LDAH: variants seen among roughly 807,000 people sequenced by gnomAD.
LDAH encodes the protein lipid droplet-associated hydrolase.
In LDAH, 26 loss-of-function variants were observed where a neutral mutation model predicts 29.6. The observed-to-expected ratio is 0.88, with a 90% confidence interval of 0.64 to 1.22. LDAH has a LOEUF of 1.22. Ranked by LOEUF, LDAH falls within the 50% of genes most tolerant of loss-of-function variation. The pLI, the probability that LDAH is intolerant of heterozygous loss-of-function variation, is 0.00. For missense variants in LDAH, 344 were observed against 387.3 expected (o/e 0.89, Z 0.94); for synonymous variants, 117 against 133.0 (o/e 0.88, Z 0.83).
At chr2:20,822,673 G>A (rs982396002) in intron 1 of LDAH, among the ~76,000 whole-genome samples, 1 of 152,184 alleles carries the variant, frequency 6.6e-6, no homozygotes, top group African/African-American at 2.4e-5. Context: ...AACACTCCCG[G>A]CCCAGAGTTT....
intron 4 of LDAH, among the ~76,000 whole-genome samples, chr2:20,750,113 C>T (rs1175600227): frequency 6.6e-6 from 1 of 151,450 alleles, no homozygotes; most frequent in East Asian, 1.9e-4. Context: ...GCAACCACCA[C>T]CTCCTGGGTT....
At chr2:20,690,181 T>A (rs908963542) in intron 6 of LDAH, among the ~76,000 whole-genome samples, 4 of 151,980 alleles carry the variant, frequency 2.6e-5, no homozygotes, top group African/African-American at 9.7e-5. Flanking sequence ...GCAGGGGTGA[T>A]CAACATGGAT....
chr2:20,790,155 G>T, intron 3 of LDAH, 100 bp downstream of exon 3: 1 of 1,256,998 alleles, frequency 8.0e-7, no homozygotes, highest in South Asian at 1.5e-5. Context: ...AATGCCACAA[G>T]CAGAGGTTTC....
intron 5 of LDAH, among the ~76,000 whole-genome samples, chr2:20,702,861 C>T (rs1000327741): frequency 5.9e-5 from 9 of 152,182 alleles, no homozygotes; most frequent in East Asian, 1.9e-4. Flanking sequence ...GATGGAGTTT[C>T]GCTCTTTGTT....
At chr2:20,800,972 C>A (rs1671617844) in intron 2 of LDAH, among the ~76,000 whole-genome samples, 1 of 151,994 alleles carries the variant, frequency 6.6e-6, no homozygotes, top group Non-Finnish European at 1.5e-5. Flanking sequence ...TGAAATGAGG[C>A]AGAAAAAGTT....
chr2:20,721,486 A>C (rs184935776), intron 5 of LDAH, among the ~76,000 whole-genome samples: 1 of 152,110 alleles, frequency 6.6e-6, no homozygotes. Context: ...ATCACCACTA[A>C]AGAACTTACT....
At chr2:20,716,720 G>GTATATATATATATATATATGTATATATA (rs1362301507) in intron 5 of LDAH, among the ~76,000 whole-genome samples, 1 of 131,294 alleles carries the variant, frequency 7.6e-6, no homozygotes, top group Non-Finnish European at 1.7e-5. Context: ...AGAACTTTAA[G>GTATATATATATATATATATGTATATATA]TATATATACA....
chr2:20,763,869 T>C (rs1008070139), intron 4 of LDAH, among the ~76,000 whole-genome samples: 27 of 152,244 alleles, frequency 1.8e-4, no homozygotes, highest in African/African-American at 6.0e-4. Flanking sequence ...GCATGAAGAA[T>C]GTTCTATTAT....
intron 6 of LDAH, among the ~76,000 whole-genome samples, chr2:20,694,856 T>C (rs1572409970): frequency 6.6e-6 from 1 of 152,186 alleles, no homozygotes; most frequent in East Asian, 1.9e-4. Flanking sequence ...CAGGATCCTC[T>C]CCCTCCCACA....
In LDAH at chr2:20,801,458, G is replaced by C; in HGVS notation, c.6C>G (p.Asp2Glu). Residue 2 changes from aspartate to glutamate, a missense_variant, in exon 2 of 7, where the codon GAC (aspartate) becomes GAG (glutamate). Transcript: ENST00000237822. ...CAGGAATTTCTTCCTTGAGTTCTGA[G>C]TCCATTTCTAAATAAGGGGAGAAAA... M[D>E]SELKEEIPVH... 1.9e-6 allele frequency: 3 copies of C among 1,613,682 alleles called. No homozygotes were observed. Among genetic ancestry groups the C allele is most frequent in the Non-Finnish European group, 2.5e-6 (3 of 1,179,740 alleles).
chr2:20,741,966 T>G (rs551414569), intron 4 of LDAH, among the ~76,000 whole-genome samples: 1 of 152,340 alleles, frequency 6.6e-6, no homozygotes, highest in Non-Finnish European at 1.5e-5. Flanking sequence ...TTTTATTTTA[T>G]GGCACGATCC....
chr2:20,685,426 A>T lies in LDAH; in HGVS notation c.*1477T>A, dbSNP rs1662488955. The T allele has an allele frequency of 4.6e-6, 6 of 1,299,394 alleles. No homozygotes were observed. The East Asian group carries it at 1.5e-4, about 33-fold the overall frequency. The allele number at this position is 1,299,394 out of a possible 1,614,324, so 80.5% of individuals were successfully genotyped here. A position where few individuals can be genotyped will look rare whatever the true frequency, so the allele number is the denominator to read the frequency against. ...CCCTGTGCTTACGGCCTATGTATCT[A>T]TTAGCTCTTCCCCTTGGGCTAACAG... is the stretch of plus-strand genomic sequence containing the variant. On this transcript the variant is annotated 3_prime_UTR_variant, in exon 7 of 7. Coordinates refer to ENST00000237822, the MANE Select transcript of LDAH (RefSeq NM_021925.4).
chr2:20,815,423 A>C (rs1672783366), intron 1 of LDAH, among the ~76,000 whole-genome samples: 1 of 152,148 alleles, frequency 6.6e-6, no homozygotes. Context: ...AAATCTACAG[A>C]GTCAAGAAGC....
intron 6 of LDAH, among the ~76,000 whole-genome samples, chr2:20,693,018 G>C (rs895163606): frequency 6.6e-6 from 1 of 152,218 alleles, no homozygotes; most frequent in African/African-American, 2.4e-5. Flanking sequence ...ACAGGTCCCT[G>C]AGCCATATCC....
rs185128971 is a variant in LDAH, at chr2:20,744,411, C to T, written c.469-4206G>A. Reference sequence around the variant, plus strand: ...GTCTCAGTCTTTTAGTAAGCATATGCCTCTGGTGTACAAACTTCTAAGTGT... The same window carrying T: ...GTCTCAGTCTTTTAGTAAGCATATGTCTCTGGTGTACAAACTTCTAAGTGT... On this transcript the variant is annotated intron_variant, in intron 4 of 6. Coordinates refer to ENST00000237822, the MANE Select transcript of LDAH (RefSeq NM_021925.4). 1.7e-3 allele frequency among the ~76,000 whole-genome samples: 252 copies of T among 152,134 alleles called. 1 individual carries two copies. Among genetic ancestry groups the T allele is most frequent in the South Asian group, 5.6e-3 (27 of 4,806 alleles).
At chr2:20,700,658 C>T (rs1663861072) in intron 6 of LDAH, among the ~76,000 whole-genome samples, 1 of 151,934 alleles carries the variant, frequency 6.6e-6, no homozygotes, top group African/African-American at 2.4e-5. Flanking sequence ...CCAACAGAAG[C>T]ATAAAGCAAG....
intron 5 of LDAH, among the ~76,000 whole-genome samples, chr2:20,714,933 A>G (rs1176417483): frequency 5.3e-5 from 8 of 152,262 alleles, no homozygotes; most frequent in Non-Finnish European, 8.8e-5. Flanking sequence ...ACAGATTCAT[A>G]GCCGAATTCT....
Position 20,760,306 on chromosome 2 carries a change from C to A in LDAH, c.468+14504G>T, listed in dbSNP as rs189959178. 7.2e-5 allele frequency among the ~76,000 whole-genome samples: 11 copies of A among 152,272 alleles called. No individual in the cohort carries two copies. In the East Asian group the frequency reaches 2.1e-3, roughly 29 times the overall value. ...ACTACTGGTCTTAGAGGTGGGTTTTCCTGCAAAGAAAACAAGGAGTTGCTA... is the reference window on the plus strand; with the variant it reads ...ACTACTGGTCTTAGAGGTGGGTTTTACTGCAAAGAAAACAAGGAGTTGCTA... On this transcript the variant is annotated intron_variant, in intron 4 of 6. Transcript: ENST00000237822.
chr2:20,692,996 T>A (rs1461549942), intron 6 of LDAH, among the ~76,000 whole-genome samples: 1 of 151,986 alleles, frequency 6.6e-6, no homozygotes, highest in Non-Finnish European at 1.5e-5. Context: ...GTGAGTACAG[T>A]GTTAAGACTG....
Sources: allele counts gnomAD v4.1 joint callset (sites outside exome capture counted in the v4.1 genomes callset), GRCh38; gene constraint gnomAD v4.1.1; transcripts MANE v1.5; gene names NCBI Gene and HGNC (gene_info 2026-07-23, HGNC 2026-07-21).